The following HHLA2 variants were observed in gnomAD, a reference collection of about 807,000 sequenced individuals.
The protein encoded by HHLA2 is HERV-H LTR-associating protein 2.
Under a neutral mutation model 45.9 loss-of-function variants are expected in HHLA2, and 48 were observed. The observed-to-expected ratio is 1.05, with a 90% CI of 0.83 to 1.33. The LOEUF (loss-of-function observed/expected upper bound fraction) is 1.33. HHLA2 is among the 40% of genes most tolerant of loss of function. HHLA2 has a pLI of 0.00. For missense variants in HHLA2, 462 were observed against 494.3 expected (o/e 0.93, Z 0.62); for synonymous variants, 161 against 173.9 (o/e 0.93, Z 0.59).
At chr3:108,358,701 CCAT>C (rs1160052166) in intron 7 of HHLA2, among the ~76,000 whole-genome samples, 1 of 152,172 alleles carries the variant, frequency 6.6e-6, no homozygotes, top group East Asian at 1.9e-4. Flanking sequence ...AGTCAACTAA[CCAT>C]CAAGTCATGG....
intron 3 of HHLA2, among the ~76,000 whole-genome samples, chr3:108,340,570 C>T (rs1168419608): frequency 6.6e-6 from 1 of 152,180 alleles, no homozygotes; most frequent in Admixed American, 6.5e-5. Context: ...CCAACATACC[C>T]ATCTGTTCAA....
At chr3:108,370,953 C>T (rs539815962) in intron 8 of HHLA2, among the ~76,000 whole-genome samples, 3,474 of 152,130 alleles carry the variant, frequency 0.023, 113 homozygotes, top group African/African-American at 0.079. Context: ...CAGGCCAACA[C>T]TCAAATTCAG....
intron 3 of HHLA2, among the ~76,000 whole-genome samples, chr3:108,338,630 A>G (rs2081514426): frequency 6.6e-6 from 1 of 152,224 alleles, no homozygotes. Context: ...TCTCTCCACA[A>G]GCCTAGCAGA....
At position 108,340,801 on chromosome 3, in the gene HHLA2, A is replaced by G. The variant is rs534107294; in HGVS notation, c.-26-10987A>G. 2.0e-4 allele frequency among the ~76,000 whole-genome samples: 31 copies of G among 152,104 alleles called. No individual in the cohort carries two copies. The South Asian group carries it at 6.2e-3, about 31-fold the overall frequency. Reference sequence around the variant, plus strand: ...TTACCTTATAGCCTCATTTTTAAAGATCTCTTGAAAACAAGGATTTACTCT... The same window carrying G: ...TTACCTTATAGCCTCATTTTTAAAGGTCTCTTGAAAACAAGGATTTACTCT... On this transcript the variant is annotated intron_variant, in intron 3 of 10. Coordinates refer to ENST00000619531, the Ensembl canonical transcript of HHLA2.
At chr3:108,314,864 T>A (rs1235853126) in intron 2 of HHLA2, among the ~76,000 whole-genome samples, 1 of 152,216 alleles carries the variant, frequency 6.6e-6, no homozygotes, top group African/African-American at 2.4e-5. Context: ...ATGCTCTCAC[T>A]GCTTCCTGCT....
Position 108,323,858 on chromosome 3 carries a change from C to G in HHLA2, c.-104-4412C>G, listed in dbSNP as rs376182014. Among the ~76,000 whole-genome samples the G allele has an allele frequency of 8.5e-5, 13 of 152,250 alleles. No individual in the cohort carries two copies. The East Asian group carries it at 1.9e-3, about 23-fold the overall frequency. On this transcript the variant is annotated intron_variant, in intron 2 of 10. Coordinates refer to ENST00000619531, the Ensembl canonical transcript of HHLA2. ...GAAAATGAATTATCTATACCTATCT[C>G]CACTCCACTTATGTAAGGGAAATTG...
intron 3 of HHLA2, among the ~76,000 whole-genome samples, chr3:108,331,906 G>T (rs572642841): frequency 6.6e-6 from 1 of 151,974 alleles, no homozygotes; most frequent in African/African-American, 2.4e-5. Context: ...ACACTCTCAT[G>T]CTTTTGAAAC....
chr3:108,324,159 T>TA (rs2081248853), intron 2 of HHLA2, among the ~76,000 whole-genome samples: 1 of 152,194 alleles, frequency 6.6e-6, no homozygotes, highest in Non-Finnish European at 1.5e-5. Flanking sequence ...AGTAAAAGCA[T>TA]ACAGATAAAA....
intron 1 of HHLA2, among the ~76,000 whole-genome samples, chr3:108,307,965 G>T (rs931704029): frequency 2.6e-5 from 4 of 152,070 alleles, no homozygotes; most frequent in African/African-American, 9.7e-5. Context: ...GGACATCATG[G>T]AGAATGGGGT....
intron 2 of HHLA2, chr3:108,326,134 CT>C: frequency 4.1e-6 from 1 of 246,658 alleles, no homozygotes; most frequent in Non-Finnish European, 8.0e-6. Context: ...CCACTACAAT[CT>C]TTTTCACATT....
At chr3:108,345,325 C>G (rs2081642442) in intron 3 of HHLA2, among the ~76,000 whole-genome samples, 1 of 152,142 alleles carries the variant, frequency 6.6e-6, no homozygotes, top group African/African-American at 2.4e-5. Flanking sequence ...CCAAAGAAGG[C>G]TGAAGTTATG....
intron 2 of HHLA2, among the ~76,000 whole-genome samples, chr3:108,318,179 T>TAA (rs2081136097): frequency 1.7e-5 from 2 of 116,622 alleles, no homozygotes; most frequent in African/African-American, 3.2e-5. Flanking sequence ...AGACTCCATC[T>TAA]CAAAAAAAAA....
chr3:108,348,071 A>G (rs1475508220), intron 3 of HHLA2, among the ~76,000 whole-genome samples: 1 of 152,084 alleles, frequency 6.6e-6, no homozygotes, highest in Non-Finnish European at 1.5e-5. Context: ...AAGTTTGAGA[A>G]TCCTTGATGT....
At chr3:108,328,967 C>T (rs1461813859) in intron 3 of HHLA2, among the ~76,000 whole-genome samples, 1 of 152,118 alleles carries the variant, frequency 6.6e-6, no homozygotes, top group Non-Finnish European at 1.5e-5. Flanking sequence ...AGAGTTTGTG[C>T]TGGATTCATG....
At chr3:108,370,781 A>C (rs1373910415) in intron 8 of HHLA2, among the ~76,000 whole-genome samples, 1 of 152,248 alleles carries the variant, frequency 6.6e-6, no homozygotes, top group African/African-American at 2.4e-5. Context: ...TAGAGAAAAA[A>C]GAATTAAAAG....
intron 2 of HHLA2, among the ~76,000 whole-genome samples, chr3:108,320,323 G>C (rs552379367): frequency 1.5e-4 from 23 of 152,230 alleles, no homozygotes; most frequent in Middle Eastern, 3.4e-3. Context: ...TGTGTAAAAT[G>C]TACAGTCCAA....
At chr3:108,370,904 G>A (rs934723098) in intron 8 of HHLA2, among the ~76,000 whole-genome samples, 4 of 152,102 alleles carry the variant, frequency 2.6e-5, no homozygotes, top group African/African-American at 4.8e-5. Context: ...AAACACTCTG[G>A]GGAAGTTCTC....
intron 2 of HHLA2, among the ~76,000 whole-genome samples, chr3:108,323,037 C>CT (rs1230566621): frequency 2.0e-5 from 3 of 151,428 alleles, no homozygotes; most frequent in African/African-American, 7.3e-5. Context: ...CAAATTTTTG[C>CT]TGACTTTTTT....
chr3:108,301,356 G>A (rs904453300), intron 1 of HHLA2, among the ~76,000 whole-genome samples: 1 of 152,118 alleles, frequency 6.6e-6, no homozygotes, highest in African/African-American at 2.4e-5. Flanking sequence ...CGTGACTGCA[G>A]AAATAGATGA....
Sources: allele counts gnomAD v4.1 joint callset (sites outside exome capture counted in the v4.1 genomes callset), GRCh38; gene constraint gnomAD v4.1.1; transcripts MANE v1.5; gene names NCBI Gene and HGNC (gene_info 2026-07-23, HGNC 2026-07-21).